AGO2: variants seen among roughly 807,000 people sequenced by gnomAD.
AGO2 encodes the protein protein argonaute-2.
AGO2 carries 5 observed loss-of-function variants against 102.3 expected under a neutral mutation model. That is an observed-to-expected ratio of 0.05 (90% CI 0.03 to 0.10). The LOEUF is 0.10. AGO2 is among the 10% of genes least tolerant of loss of function. The pLI, the probability that AGO2 is intolerant of heterozygous loss-of-function variation, is 1.00. For synonymous variants in AGO2, 449 were observed against 473.1 expected (o/e 0.95, Z 0.66); for missense variants, 541 against 1,183.7 (o/e 0.46, Z 7.97).
At chr8:140,596,555 C>T (rs905016094) in intron 1 of AGO2, among the ~76,000 whole-genome samples, 2 of 152,206 alleles carry the variant, frequency 1.3e-5, no homozygotes, top group African/African-American at 4.8e-5. Context: ...TGCACTCCAG[C>T]CTGGGCAACA....
Position 140,539,354 on chromosome 8 carries a change from T to C in AGO2, c.2135A>G (p.His712Arg). The C allele has an allele frequency of 6.2e-7, 1 of 1,613,708 alleles. No individual in the cohort carries two copies. The highest frequency in any genetic ancestry group is 8.5e-7 in the Non-Finnish European group (1 of 1,179,784). ...ITFIVVQKRH[H>R]TRLFCTDKNE... ...CTTGTCAGTGCAGAAGAGCCGGGTG[T>C]GGTGCCTCTTCTGCACCACGATGAA... Residue 712 changes from histidine (H) to arginine (R), a missense_variant, in exon 16 of 19, where the codon CAC becomes CGC. Physicochemically the swap from His to Arg is conservative, Grantham distance 29 (BLOSUM62 0). This residue lies in a region of AGO2 where 309 missense variants were observed against 735.1 expected (regional missense o/e 0.42). Transcript: ENST00000220592. The surrounding 1 kb of genome is among the most constrained non-coding windows in gnomAD (Gnocchi z 4.7).
At chr8:140,571,077 G>T (rs2073370275) in intron 3 of AGO2, among the ~76,000 whole-genome samples, 1 of 152,168 alleles carries the variant, frequency 6.6e-6, no homozygotes, top group Non-Finnish European at 1.5e-5. Context: ...GTTTGCAAGG[G>T]GTGATCGTGC....
intron 5 of AGO2, 134 bp downstream of exon 5, chr8:140,560,240 G>C: frequency 7.5e-7 from 1 of 1,331,762 alleles, no homozygotes. Flanking sequence ...GACCAGCCAG[G>C]TGTCACGCAG....
At chr8:140,549,392 A>C (rs890854703) in intron 11 of AGO2, 94 bp from the exon 12 acceptor site, 3 of 1,289,642 alleles carry the variant, frequency 2.3e-6, no homozygotes, top group Non-Finnish European at 3.2e-6. Context: ...CATTTTTACA[A>C]AGCCCAAAGC....
Position 140,560,364 on chromosome 8 carries a change from C to T in AGO2, c.655+10G>A, listed in dbSNP as rs377032489. 236 of 1,613,514 alleles carry T rather than the reference C, an allele frequency of 1.5e-4. 2 individuals are homozygous for T. The South Asian group carries it at 2.0e-3, about 13-fold the overall frequency. On this transcript the variant is annotated intron_variant, in intron 5 of 18. Transcript: ENST00000220592. ...CTGCCCTGCAGTGAAGACCCCAGGGCGCTGCTTACCATCAATATTCAGCAT... is the reference window on the plus strand; with the variant it reads ...CTGCCCTGCAGTGAAGACCCCAGGGTGCTGCTTACCATCAATATTCAGCAT...
At position 140,572,901 on chromosome 8, in the gene AGO2, T is replaced by G; in HGVS notation, c.247A>C (p.Lys83Gln). ...TTCCGATCCCCAAAGATCTGTGTTT[T>G]AAAGTGCTGGACCATGTGTTCCACG... is the stretch of plus-strand genomic sequence containing the variant. ...EIVEHMVQHF[K>Q]TQIFGDRKPV... Residue 83 changes from lysine to glutamine, a missense_variant, in exon 3 of 19, where the codon AAA becomes CAA. This residue lies in a region of AGO2 where 147 missense variants were observed against 204.1 expected (regional missense o/e 0.72). Transcript: ENST00000220592. 1 of 1,614,092 alleles carries G rather than the reference T, an allele frequency of 6.2e-7. No homozygotes were observed. Among genetic ancestry groups the G allele is most frequent in the Non-Finnish European group, 8.5e-7 (1 of 1,180,008 alleles).
At position 140,524,111 on chromosome 8, in the gene AGO2, G is replaced by A. The variant is rs1015737885; in HGVS notation, c.*7933C>T. 1.3e-5 allele frequency: 2 copies of A among 152,206 alleles called. No homozygotes were observed. The highest frequency in any genetic ancestry group is 2.9e-5 in the Non-Finnish European group (2 of 68,096). 9.4% of individuals were successfully genotyped at this position (152,206 alleles called of 1,614,324 possible). A position where few individuals can be genotyped will look rare whatever the true frequency, so the allele number is the denominator to read the frequency against. ...CCACACCAAAGTAAGCGGTTTCCCAGGAAGTCACAAAACAGAGCAACAGTA... is the reference window on the plus strand; with the variant it reads ...CCACACCAAAGTAAGCGGTTTCCCAAGAAGTCACAAAACAGAGCAACAGTA... On this transcript the variant is annotated 3_prime_UTR_variant, in exon 19 of 19. Transcript: ENST00000220592.
At chr8:140,550,700 T>C (rs1028214836) in intron 11 of AGO2, among the ~76,000 whole-genome samples, 5 of 152,174 alleles carry the variant, frequency 3.3e-5, no homozygotes, top group African/African-American at 1.2e-4. Context: ...CACTGCAACC[T>C]CCACCTCCCG....
At chr8:140,595,969 T>C (rs1451204043) in intron 1 of AGO2, among the ~76,000 whole-genome samples, 6 of 125,816 alleles carry the variant, frequency 4.8e-5, no homozygotes, top group Non-Finnish European at 9.6e-5. Flanking sequence ...ATATATAAAT[T>C]ATATATATTA....
At chr8:140,535,237 C>T (rs895221330) in intron 17 of AGO2, among the ~76,000 whole-genome samples, 1 of 152,198 alleles carries the variant, frequency 6.6e-6, no homozygotes, top group African/African-American at 2.4e-5. Context: ...TGCTCCTCAG[C>T]CCTACCAAAT....
rs181864589 is a variant in AGO2 at position 140,540,500 on chromosome 8, C to T, written c.2034+664G>A. Among the ~76,000 whole-genome samples the T allele has an allele frequency of 1.4e-4, 22 of 152,290 alleles. No individual in the cohort carries two copies. The East Asian group carries it at 3.5e-3, about 24-fold the overall frequency. On this transcript the variant is annotated intron_variant, in intron 15 of 18. Coordinates refer to ENST00000220592, the MANE Select transcript of AGO2 (RefSeq NM_012154.5). The surrounding 1 kb of genome is among the most constrained non-coding windows in gnomAD (Gnocchi z 5.0). ...AGAAACATTCAGGGCACCCATCGCC[C>T]GGGTTCCAGGCCAAGATGGACTCAT...
chr8:140,571,096 T>G (rs1209274575), intron 3 of AGO2, among the ~76,000 whole-genome samples: 1 of 152,236 alleles, frequency 6.6e-6, no homozygotes, highest in African/African-American at 2.4e-5. Context: ...GCTTGACTGA[T>G]GTGCATTTGG....
chr8:140,625,803 C>G (rs2074268766), intron 1 of AGO2, among the ~76,000 whole-genome samples: 1 of 152,218 alleles, frequency 6.6e-6, no homozygotes, highest in South Asian at 2.1e-4. Context: ...CTGCACTCCT[C>G]AGGGGAGCTG....
chr8:140,555,843 G>A (rs1474606567), intron 10 of AGO2, 53 bp downstream of exon 10: 29 of 1,577,448 alleles, frequency 1.8e-5, no homozygotes, highest in South Asian at 6.8e-5. Context: ...GAGAGGGGTC[G>A]CAGGGCAGAG....
intron 14 of AGO2, among the ~76,000 whole-genome samples, chr8:140,543,467 C>A (rs2072838029): frequency 6.6e-6 from 1 of 152,056 alleles, no homozygotes; most frequent in South Asian, 2.1e-4. Flanking sequence ...TTTTCTTTTT[C>A]TTTTTTGAGA....
chr8:140,537,984 A>C (rs908168300), intron 16 of AGO2, among the ~76,000 whole-genome samples: 2 of 151,946 alleles, frequency 1.3e-5, no homozygotes, highest in Non-Finnish European at 2.9e-5. Flanking sequence ...ACGCCTGGGT[A>C]ATTTTATGTA....
chr8:140,523,126 C>A lies in AGO2; in HGVS notation c.*8918G>T, dbSNP rs975153581. On this transcript the variant is annotated 3_prime_UTR_variant, in exon 19 of 19. Transcript: ENST00000220592. ...ACTGCCAATTCACAAAACAGCACTG[C>A]ATGGTTTCTATATTGCAAGCACAAG... The A allele has an allele frequency of 6.6e-6, 1 of 152,192 alleles. No homozygotes were observed. Among genetic ancestry groups the A allele is most frequent in the African/African-American group, 2.4e-5 (1 of 41,422 alleles). 9.4% of individuals were successfully genotyped at this position (152,192 alleles called of 1,614,324 possible).
chr8:140,611,326 CTTTG>C (rs1243715710), intron 1 of AGO2, among the ~76,000 whole-genome samples: 2 of 130,842 alleles, frequency 1.5e-5, no homozygotes, highest in Non-Finnish European at 3.6e-5. Context: ...ACTCTTAAGC[CTTTG>C]TTTTTTTTTT....
At position 140,562,932 on chromosome 8, in the gene AGO2, C is replaced by T. The variant is rs151069169; in HGVS notation, c.337-298G>A. ...GTTTCACCCCCAAACAATGAACTCA[C>T]TACCTCTCTCCTCCCAGTCTCTGAA... On this transcript the variant is annotated intron_variant, in intron 3 of 18. Coordinates refer to ENST00000220592, the MANE Select transcript of AGO2 (RefSeq NM_012154.5). 7.9e-5 allele frequency among the ~76,000 whole-genome samples: 12 copies of T among 152,340 alleles called. No individual in the cohort carries two copies. The East Asian group carries it at 2.3e-3, about 29-fold the overall frequency.
Sources: gnomAD v4.1 joint callset for allele counts (sites outside exome capture counted in the v4.1 genomes callset) on GRCh38, gnomAD v4.1.1 for gene constraint, gnomAD v4.1.1 regional missense constraint, Gnocchi (gnomAD v3.1) non-coding constraint, MANE v1.5 for transcripts, NCBI Gene and HGNC (gene_info 2026-07-23, HGNC 2026-07-21) for gene names.